The following PCBP2 variants were observed in gnomAD, a reference collection of about 807,000 sequenced individuals.
The protein encoded by PCBP2 is poly(rC) binding protein 2, also known as poly(rC)-binding protein 2.
Under a neutral mutation model 50.1 loss-of-function variants are expected in PCBP2, and 4 were observed. That is an observed-to-expected ratio of 0.08 (90% CI 0.04 to 0.18). PCBP2 has a LOEUF of 0.18. Among genes scored for constraint, PCBP2 ranks in the 10% least tolerant of loss-of-function variants. The pLI is 1.00. For missense variants in PCBP2, 161 were observed against 474.3 expected (o/e 0.34, Z 6.14); for synonymous variants, 179 against 168.0 (o/e 1.07, Z -0.51).
chr12:53,478,337 G>A (rs1421102678), intron 14 of PCBP2, among the ~76,000 whole-genome samples: 3 of 152,036 alleles, frequency 2.0e-5, no homozygotes, highest in African/African-American at 4.8e-5. Context: ...GTGAAACTCT[G>A]TCTCTACTGA....
chr12:53,459,866 T>A, intron 6 of PCBP2: 1 of 454,344 alleles, frequency 2.2e-6, no homozygotes, highest in Non-Finnish European at 4.4e-6. Context: ...CCTCAGGCGA[T>A]CCTCTCATCT....
rs375363873 is a variant in PCBP2 at position 53,471,664 on chromosome 12, A to G, written c.909A>G (p.Gln303=). The part of the protein sequence containing the change: ...NDLIGCIIGR[Q]GAKINEIRQM... ...TGATTGGCTGCATAATCGGGCGTCA[A>G]GGCGCCAAAATCAATGAGATCCGTC... The change falls in exon 14 of 15, where the codon CAA becomes CAG. Residue 303 remains glutamine (Q), a synonymous_variant. Coordinates refer to ENST00000546463, the MANE Select transcript of PCBP2 (RefSeq NM_031989.5). 570 of 1,612,890 alleles carry G rather than the reference A, an allele frequency of 3.5e-4. 1 individual carries two copies. The highest frequency in any genetic ancestry group is 2.4e-3 in the East Asian group (109 of 44,866).
At chr12:53,464,573 T>C (rs889301774) in intron 8 of PCBP2, 187 bp from the exon 9 acceptor site, 5 of 681,084 alleles carry the variant, frequency 7.3e-6, no homozygotes, top group Non-Finnish European at 9.5e-6. Flanking sequence ...AATTGTGCAG[T>C]GTGAAATCTG....
At chr12:53,470,867 A>G (rs1365991930) in intron 13 of PCBP2, among the ~76,000 whole-genome samples, 1 of 150,544 alleles carries the variant, frequency 6.6e-6, no homozygotes, top group Admixed American at 6.6e-5. Context: ...CTTTAAGCAT[A>G]TTTGCTGCCA....
chr12:53,459,319 G>C lies in PCBP2; in HGVS notation c.291G>C (p.Pro97=), dbSNP rs571129099. 5 of 1,612,926 alleles carry C rather than the reference G, an allele frequency of 3.1e-6. No individual in the cohort carries two copies. The highest frequency in any genetic ancestry group is 2.2e-5 in the South Asian group (2 of 90,966). ...ATAGCACAGCTGCCAGTAGACCCCC[G>C]GTCACCCTGAGGCTGGTGGTCCCTG... ...MTNSTAASRP[P]VTLRLVVPAS... Residue 97 remains proline (P), a synonymous_variant, in exon 6 of 15, where the codon CCG becomes CCC. Coordinates refer to ENST00000546463, the MANE Select transcript of PCBP2 (RefSeq NM_031989.5).
At chr12:53,454,642 A>G in intron 1 of PCBP2, 84 bp from the exon 2 acceptor site, 1 of 639,408 alleles carries the variant, frequency 1.6e-6, no homozygotes, top group South Asian at 1.8e-5. Flanking sequence ...TGTAAAGTAG[A>G]AAATATTGAT....
In PCBP2 at chr12:53,471,367, CAA is replaced by C. The variant is rs376346748; in HGVS notation, c.883-270_883-269del. Among the ~76,000 whole-genome samples, 1,292 of 151,366 alleles carry C rather than the reference CAA, an allele frequency of 8.5e-3. 16 individuals are homozygous for C. Among genetic ancestry groups the C allele is most frequent in the African/African-American group, 0.03 (1,247 of 41,172 alleles). ...GGCCAAGGTGGGTGGATCACAAGGT[CAA>C]GAGATTGAGACCATCCTGGCCAACA... On this transcript the variant is annotated intron_variant, in intron 13 of 14. Transcript: ENST00000546463.
At chr12:53,468,900 A>G (rs1369703523) in intron 13 of PCBP2, 68 bp downstream of exon 13, 3 of 1,119,180 alleles carry the variant, frequency 2.7e-6, no homozygotes, top group African/African-American at 3.2e-5. Context: ...ATGTCGTTTC[A>G]GCAGTGTCCT....
Position 53,464,803 on chromosome 12 carries a change from C to A in PCBP2, c.623C>A (p.Thr208Asn). The change falls in exon 9 of 15, where the codon ACC becomes AAC. Residue 208 changes from threonine to asparagine, a missense_variant. Physicochemically the swap from Thr to Asn is moderately conservative, Grantham distance 65 (BLOSUM62 0). This residue lies in a region of PCBP2 where 35 missense variants were observed against 45.5 expected (regional missense o/e 0.77). Transcript: ENST00000546463. ...TGSDSASFPH[T>N]TPSMCLNPDL... The stretch of plus-strand genomic sequence containing the variant: ...AGCGACAGTGCGAGCTTTCCCCACA[C>A]CACCCCGTCCATGTGCCTCAACCCT... The A allele has an allele frequency of 6.2e-7, 1 of 1,611,956 alleles. No homozygotes were observed. Among genetic ancestry groups the A allele is most frequent in the East Asian group, 2.2e-5 (1 of 44,608 alleles).
rs1393226572 is a variant in PCBP2 at position 53,455,666 on chromosome 12, G to C, written c.126+173G>C. ...AGTGTATTTTTTTTTTCCCCTTTTT[G>C]GGAAGTGTGGTTTTGACAAGTCAGA... On this transcript the variant is annotated intron_variant, in intron 4 of 14. Coordinates refer to ENST00000546463, the MANE Select transcript of PCBP2 (RefSeq NM_031989.5). Among the ~76,000 whole-genome samples, 3 of 151,324 alleles carry C rather than the reference G, an allele frequency of 2.0e-5. No homozygotes were observed. The East Asian group carries it at 5.8e-4, about 29-fold the overall frequency.
intron 12 of PCBP2, chr12:53,468,213 G>A (rs1173425964): frequency 9.4e-6 from 2 of 213,728 alleles, no homozygotes; most frequent in South Asian, 1.1e-4. Flanking sequence ...AAAAGACAGG[G>A]ACTAAATCTG....
At chr12:53,472,870 C>A (rs1435666168) in intron 14 of PCBP2, among the ~76,000 whole-genome samples, 2 of 152,110 alleles carry the variant, frequency 1.3e-5, no homozygotes, top group Non-Finnish European at 2.9e-5. Context: ...AAAGCTTTCC[C>A]TTTCCTAGAT....
Position 53,465,919 on chromosome 12 carries a change from C to T in PCBP2, c.673-13C>T, listed in dbSNP as rs2137069534. 6.2e-7 allele frequency: 1 copy of T among 1,609,678 alleles called. No homozygotes were observed. The highest frequency in any genetic ancestry group is 1.3e-5 in the African/African-American group (1 of 74,896). On this transcript the variant is annotated splice_polypyrimidine_tract_variant and intron_variant, in intron 9 of 14. Transcript: ENST00000546463. ...ATTGGTTTTTAATAGGAACTGTTTT[C>T]CTCCTTTTGTAGGCCTATACCATTC...
intron 10 of PCBP2, 96 bp from the exon 11 acceptor site, chr12:53,467,124 AT>A: frequency 1.2e-6 from 1 of 844,618 alleles, no homozygotes. Flanking sequence ...AGTAGAGTCA[AT>A]TTTGGGAATC....
At chr12:53,471,277 T>G (rs1000874784) in intron 13 of PCBP2, among the ~76,000 whole-genome samples, 126 of 132,836 alleles carry the variant, frequency 9.5e-4, no homozygotes, top group African/African-American at 3.4e-3. Context: ...AGACCCTCGG[T>G]TTTTTTTTTT....
At chr12:53,466,267 G>A (rs925605464) in intron 10 of PCBP2, among the ~76,000 whole-genome samples, 5 of 152,142 alleles carry the variant, frequency 3.3e-5, no homozygotes, top group Admixed American at 6.6e-5. Context: ...ACTGTGATTT[G>A]TTATCTCAGG....
Position 53,477,175 on chromosome 12 carries a change from T to G in PCBP2, c.1053-2231T>G, listed in dbSNP as rs765014662. 6.4e-4 allele frequency among the ~76,000 whole-genome samples: 97 copies of G among 152,256 alleles called. 2 individuals carry two copies. Among genetic ancestry groups the G allele is most frequent in the East Asian group, 7.7e-4 (4 of 5,182 alleles). On this transcript the variant is annotated intron_variant, in intron 14 of 14. Coordinates refer to ENST00000546463, the MANE Select transcript of PCBP2 (RefSeq NM_031989.5). ...TTGATACACATTCAGAACATTTCTT[T>G]CAGAGCTCTGGTGGGGCCAGAGTGC...
chr12:53,454,573 T>G, intron 1 of PCBP2, 153 bp from the exon 2 acceptor site: 1 of 538,606 alleles, frequency 1.9e-6, no homozygotes, highest in East Asian at 3.3e-5. Flanking sequence ...CTGTATATTT[T>G]GTCATGCAGT....
chr12:53,457,030 C>CT (rs1167238990), intron 5 of PCBP2, among the ~76,000 whole-genome samples: 1 of 152,054 alleles, frequency 6.6e-6, no homozygotes, highest in Non-Finnish European at 1.5e-5. Context: ...TGAACTAGTT[C>CT]TTTTTTATAC....
Sources: gnomAD v4.1 joint callset for allele counts (sites outside exome capture counted in the v4.1 genomes callset) on GRCh38, gnomAD v4.1.1 for gene constraint, gnomAD v4.1.1 regional missense constraint, MANE v1.5 for transcripts, NCBI Gene and HGNC (gene_info 2026-07-23, HGNC 2026-07-21) for gene names.